The following SYT1 variants were observed in gnomAD, a reference collection of about 807,000 sequenced individuals.
SYT1 encodes synaptotagmin 1, also known as synaptotagmin-1.
SYT1 carries 8 observed loss-of-function variants against 44.8 expected under a neutral mutation model. The ratio of observed to expected loss-of-function variants is 0.18; its 90% confidence interval spans 0.10 to 0.32. The LOEUF (loss-of-function observed/expected upper bound fraction) is 0.32. SYT1 is among the 10% of genes least tolerant of loss of function. The probability of loss-of-function intolerance (pLI) is 1.00; values close to 1 mark genes in which losing one functional copy is unlikely to be tolerated. For synonymous variants in SYT1, 154 were observed against 188.8 expected, an observed-to-expected ratio of 0.82 and a Z score of 1.51; for missense variants, 286 against 509.3, an observed-to-expected ratio of 0.56 and a Z score of 4.22.
intron 3 of SYT1, among the ~76,000 whole-genome samples, chr12:79,098,486 A>G (rs1172732950): frequency 1.3e-5 from 2 of 152,168 alleles, no homozygotes; most frequent in Non-Finnish European, 2.9e-5. Flanking sequence ...ATGTCAGTTA[A>G]TATTATTTAT....
chr12:79,060,080 G>A (rs1875262097), intron 3 of SYT1, among the ~76,000 whole-genome samples: 1 of 152,016 alleles, frequency 6.6e-6, no homozygotes, highest in Non-Finnish European at 1.5e-5. Context: ...AGTGTGGTAG[G>A]CAGAGCATCC....
chr12:78,965,455 C>T (rs931370139), intron 1 of SYT1, among the ~76,000 whole-genome samples: 2 of 152,174 alleles, frequency 1.3e-5, no homozygotes, highest in Non-Finnish European at 2.9e-5. Flanking sequence ...TTCCTATTGG[C>T]ATTTCAAATA....
intron 3 of SYT1, among the ~76,000 whole-genome samples, chr12:79,115,712 T>A (rs533694175): frequency 1.6e-4 from 25 of 152,310 alleles, no homozygotes; most frequent in Admixed American, 3.9e-4. Flanking sequence ...GTAATTTTTT[T>A]AAATTATAAT....
At chr12:79,337,148 C>T (rs1018222762) in intron 8 of SYT1, among the ~76,000 whole-genome samples, 1 of 152,158 alleles carries the variant, frequency 6.6e-6, no homozygotes, top group African/African-American at 2.4e-5. Flanking sequence ...TAGACATTTA[C>T]AGTCAATATT....
intron 1 of SYT1, among the ~76,000 whole-genome samples, chr12:78,929,665 C>T (rs1877524274): frequency 6.6e-6 from 1 of 150,770 alleles, no homozygotes; most frequent in South Asian, 2.1e-4. Flanking sequence ...GAAAATGTAG[C>T]AGCCATCTAA....
intron 1 of SYT1, among the ~76,000 whole-genome samples, chr12:78,885,068 G>A (rs553579396): frequency 9.2e-5 from 14 of 151,914 alleles, no homozygotes; most frequent in African/African-American, 3.4e-4. Context: ...TAAATGTTCG[G>A]GGATTTGGAT....
In SYT1 at chr12:78,998,992, A is replaced by C. The variant is rs576101165; in HGVS notation, c.-84+21061A>C. Among the ~76,000 whole-genome samples, 14 of 152,306 alleles carry C rather than the reference A, an allele frequency of 9.2e-5. No homozygotes were observed. The South Asian group carries it at 2.9e-3, about 32-fold the overall frequency. On this transcript the variant is annotated intron_variant, in intron 2 of 10. Coordinates refer to ENST00000261205, the MANE Select transcript of SYT1 (RefSeq NM_005639.3). ...GGGATGGGTGAAATAAAGCGTGGTG[A>C]TAAAAAGGTCTCGTTTGTAGATAGT... is the stretch of plus-strand genomic sequence containing the variant.
At chr12:78,949,072 G>C (rs549023062) in intron 1 of SYT1, among the ~76,000 whole-genome samples, 1 of 151,044 alleles carries the variant, frequency 6.6e-6, no homozygotes, top group Non-Finnish European at 1.5e-5. Flanking sequence ...TTCAGTGATC[G>C]TCTTTATGCC....
At chr12:78,895,358 T>C (rs1183381371) in intron 1 of SYT1, among the ~76,000 whole-genome samples, 4 of 151,714 alleles carry the variant, frequency 2.6e-5, no homozygotes, top group Admixed American at 2.0e-4. Context: ...TTCTGTCAAA[T>C]GCATAATGTA....
chr12:78,920,397 T>C (rs1339948162), intron 1 of SYT1, among the ~76,000 whole-genome samples: 1 of 151,986 alleles, frequency 6.6e-6, no homozygotes, highest in Non-Finnish European at 1.5e-5. Flanking sequence ...ATATGCATCA[T>C]AGACAAACAG....
At chr12:79,339,622 C>G (rs1247680032) in intron 8 of SYT1, among the ~76,000 whole-genome samples, 1 of 152,100 alleles carries the variant, frequency 6.6e-6, no homozygotes, top group Admixed American at 6.5e-5. Flanking sequence ...TGAAGGTTAC[C>G]TGTTCACTCT....
intron 4 of SYT1, 23 bp downstream of exon 4, chr12:79,217,708 T>C: frequency 6.3e-7 from 1 of 1,574,832 alleles, no homozygotes; most frequent in Non-Finnish European, 8.6e-7. Context: ...TATTAGTACT[T>C]GAGTAAAAAT....
intron 3 of SYT1, among the ~76,000 whole-genome samples, chr12:79,155,917 T>C (rs551088506): frequency 2.2e-4 from 33 of 152,298 alleles, no homozygotes; most frequent in African/African-American, 7.9e-4. Context: ...ATAACCTCAG[T>C]GGATAACTTG....
intron 1 of SYT1, among the ~76,000 whole-genome samples, chr12:78,969,708 C>T (rs1157521636): frequency 6.6e-6 from 1 of 151,994 alleles, no homozygotes; most frequent in African/African-American, 2.4e-5. Flanking sequence ...CAGCAGGACC[C>T]AGGAAATAAA....
At chr12:79,443,973 T>C (rs985455029) in intron 9 of SYT1, 100 bp from the exon 10 acceptor site, 2 of 1,257,346 alleles carry the variant, frequency 1.6e-6, no homozygotes, top group Non-Finnish European at 2.2e-6. Context: ...ACATGCTATA[T>C]AATTATTTAC....
intron 3 of SYT1, among the ~76,000 whole-genome samples, chr12:79,059,138 T>C (rs1409409361): frequency 1.3e-5 from 2 of 151,958 alleles, no homozygotes; most frequent in Non-Finnish European, 2.9e-5. Flanking sequence ...AGGAACTCCT[T>C]TTTATAAAAC....
intron 1 of SYT1, among the ~76,000 whole-genome samples, chr12:78,885,108 T>C (rs1472282724): frequency 1.3e-5 from 2 of 152,086 alleles, no homozygotes; most frequent in South Asian, 2.1e-4. Flanking sequence ...GATGATTTAT[T>C]ACTTCATTAA....
At chr12:78,871,635 C>A (rs781640122) in intron 1 of SYT1, among the ~76,000 whole-genome samples, 2 of 151,880 alleles carry the variant, frequency 1.3e-5, no homozygotes, top group Non-Finnish European at 2.9e-5. Flanking sequence ...GACAGTTGAG[C>A]TCTAGCAATC....
chr12:78,941,707 C>A (rs1181407443), intron 1 of SYT1, among the ~76,000 whole-genome samples: 1 of 152,174 alleles, frequency 6.6e-6, no homozygotes, highest in Admixed American at 6.5e-5. Flanking sequence ...CTCCACCATA[C>A]TTTTCTATAT....
Sources: gnomAD v4.1 joint callset for allele counts (sites outside exome capture counted in the v4.1 genomes callset) on GRCh38, gnomAD v4.1.1 for gene constraint, MANE v1.5 for transcripts, NCBI Gene and HGNC (gene_info 2026-07-23, HGNC 2026-07-21) for gene names.